The following PHACTR3 variants were observed in gnomAD, a reference collection of about 807,000 sequenced individuals.
PHACTR3 encodes phosphatase and actin regulator 3.
In PHACTR3, 16 loss-of-function variants were observed where a neutral mutation model predicts 66.8. The observed-to-expected ratio is 0.24, with a 90% CI of 0.16 to 0.36. The LOEUF (loss-of-function observed/expected upper bound fraction) is 0.36. Among genes scored for constraint, PHACTR3 ranks in the 10% least tolerant of loss-of-function variants. The pLI is 1.00. For synonymous variants in PHACTR3, 323 were observed against 292.1 expected, an observed-to-expected ratio of 1.11 and a Z score of -1.08; for missense variants, 647 against 719.9, an observed-to-expected ratio of 0.90 and a Z score of 1.16.
intron 1 of PHACTR3, among the ~76,000 whole-genome samples, chr20:59,619,940 G>A (rs2034174261): frequency 1.3e-5 from 2 of 152,162 alleles, no homozygotes; most frequent in African/African-American, 4.8e-5. Context: ...GGCCGCAGGA[G>A]GAGTGGCCTG....
chr20:59,585,654 C>T (rs894398477), intron 1 of PHACTR3, among the ~76,000 whole-genome samples: 2 of 152,202 alleles, frequency 1.3e-5, no homozygotes, highest in African/African-American at 2.4e-5. Flanking sequence ...TGGCACCTAG[C>T]AGGTGTGCTG....
In PHACTR3 at chr20:59,820,148, A is replaced by G. The variant is rs2041994786; in HGVS notation, c.1328+13954A>G. On this transcript the variant is annotated intron_variant, in intron 8 of 12. Coordinates refer to ENST00000371015, the MANE Select transcript of PHACTR3 (RefSeq NM_080672.5). This position sits in a 1 kb window ranked among gnomAD's most constrained non-coding sequence, Gnocchi z 4.6. ...TTGGCGTGGCACCACCTCCTGCTTC[A>G]CCACTGTGGTGAGGGGTCTGCCTGT... Among the ~76,000 whole-genome samples the G allele has an allele frequency of 6.6e-6, 1 of 152,158 alleles. No homozygotes were observed. The highest frequency in any genetic ancestry group is 2.1e-4 in the South Asian group (1 of 4,830).
intron 1 of PHACTR3, among the ~76,000 whole-genome samples, chr20:59,592,208 G>C (rs1473308577): frequency 2.0e-5 from 3 of 152,132 alleles, no homozygotes; most frequent in African/African-American, 7.2e-5. Flanking sequence ...CGCCTGGCAT[G>C]CTCTTTCCTT....
chr20:59,672,952 G>A (rs532340306), intron 1 of PHACTR3, among the ~76,000 whole-genome samples: 1 of 152,314 alleles, frequency 6.6e-6, no homozygotes, highest in African/African-American at 2.4e-5. Flanking sequence ...GGTTGGTGAA[G>A]AGGGAAGGAA....
At position 59,741,388 on chromosome 20, in the gene PHACTR3, T is replaced by C. The variant is rs562452169; in HGVS notation, c.119-1719T>C. On this transcript the variant is annotated intron_variant, in intron 1 of 12. Coordinates refer to ENST00000371015, the MANE Select transcript of PHACTR3 (RefSeq NM_080672.5). ...TGGGGAGCACCCCACGGGTCTGCGATCTTCCTCCCCCAGCGACACTGGGAG... is the reference window on the plus strand; with the variant it reads ...TGGGGAGCACCCCACGGGTCTGCGACCTTCCTCCCCCAGCGACACTGGGAG... Among the ~76,000 whole-genome samples the C allele has an allele frequency of 2.5e-3, 385 of 152,266 alleles. 2 individuals carry two copies. The highest frequency in any genetic ancestry group is 8.7e-3 in the African/African-American group (361 of 41,532).
intron 8 of PHACTR3, among the ~76,000 whole-genome samples, chr20:59,816,558 C>T (rs2041892730): frequency 6.6e-6 from 1 of 152,208 alleles, no homozygotes; most frequent in Non-Finnish European, 1.5e-5. Context: ...GCCTATTTCA[C>T]AACTCCCTGG....
rs183146946 is a variant in PHACTR3 at position 59,649,957 on chromosome 20, A to T, written c.118+44825A>T. Among the ~76,000 whole-genome samples, 604 of 152,360 alleles carry T rather than the reference A, an allele frequency of 4.0e-3. 2 individuals carry two copies. The highest frequency in any genetic ancestry group is 6.8e-3 in the Middle Eastern group (2 of 294). On this transcript the variant is annotated intron_variant, in intron 1 of 12. Coordinates refer to ENST00000371015, the MANE Select transcript of PHACTR3 (RefSeq NM_080672.5). ...TATTTTTATAAGTATGGAAATAGAT[A>T]TAAAGGGATTTGCTGGAAGAATTTC...
intron 3 of PHACTR3, among the ~76,000 whole-genome samples, chr20:59,752,772 T>C (rs2039646578): frequency 6.6e-6 from 1 of 152,222 alleles, no homozygotes; most frequent in Non-Finnish European, 1.5e-5. Flanking sequence ...GCAAAAGACC[T>C]GTGCATTCTA....
At chr20:59,708,596 G>T (rs2037803857) in intron 1 of PHACTR3, among the ~76,000 whole-genome samples, 1 of 152,200 alleles carries the variant, frequency 6.6e-6, no homozygotes, top group South Asian at 2.1e-4. Flanking sequence ...TCTGCTTTCG[G>T]TTGCCCTGCT....
chr20:59,757,835 G>A (rs1440292320), intron 4 of PHACTR3, among the ~76,000 whole-genome samples: 2 of 152,172 alleles, frequency 1.3e-5, no homozygotes, highest in Admixed American at 6.5e-5. Context: ...CTGAGTGTGT[G>A]GGCACACACC....
At chr20:59,720,725 G>A (rs1413769897) in intron 1 of PHACTR3, among the ~76,000 whole-genome samples, 1 of 152,192 alleles carries the variant, frequency 6.6e-6, no homozygotes, top group Non-Finnish European at 1.5e-5. Flanking sequence ...TAAGAATCTT[G>A]CCAAAGTGGC....
intron 7 of PHACTR3, among the ~76,000 whole-genome samples, chr20:59,789,895 C>T (rs1393111374): frequency 2.6e-5 from 4 of 152,206 alleles, no homozygotes; most frequent in East Asian, 1.9e-4. Context: ...GCAGGATCCA[C>T]GACTGCCAAT....
In PHACTR3 at chr20:59,830,702, T is replaced by C. The variant is rs1390316242; in HGVS notation, c.1329-5803T>C. Among the ~76,000 whole-genome samples the C allele has an allele frequency of 3.3e-5, 5 of 152,164 alleles. No homozygotes were observed. Among genetic ancestry groups the C allele is most frequent in the Non-Finnish European group, 7.3e-5 (5 of 68,028 alleles). ...GATGCCACCTATTTGTGTGTCAACC[T>C]CCTCCTGTATTTAGTGTTCTCGACT... On this transcript the variant is annotated intron_variant, in intron 8 of 12. Transcript: ENST00000371015. The surrounding 1 kb of genome is among the most constrained non-coding windows in gnomAD (Gnocchi z 5.8).
intron 1 of PHACTR3, among the ~76,000 whole-genome samples, chr20:59,582,641 A>G (rs980556909): frequency 1.3e-5 from 2 of 152,234 alleles, no homozygotes; most frequent in Admixed American, 6.5e-5. Context: ...TGAAAATTAC[A>G]TTGTTCAATT....
chr20:59,628,708 T>TCCCCATAGTACCTACTA, intron 1 of PHACTR3: 1 of 985,456 alleles, frequency 1.0e-6, no homozygotes, highest in Non-Finnish European at 1.2e-6. Flanking sequence ...TCTGGAAGAT[T>TCCCCATAGTACCTACTA]CCCCATAGTA....
chr20:59,825,750 G>C (rs1256497689), intron 8 of PHACTR3, among the ~76,000 whole-genome samples: 1 of 152,152 alleles, frequency 6.6e-6, no homozygotes, highest in African/African-American at 2.4e-5. Context: ...AAGGGCCCAG[G>C]CAGAGGCGCT....
At chr20:59,737,261 G>A (rs369844124) in intron 1 of PHACTR3, among the ~76,000 whole-genome samples, 2 of 152,230 alleles carry the variant, frequency 1.3e-5, no homozygotes, top group Non-Finnish European at 2.9e-5. Flanking sequence ...ACCTGCCCTC[G>A]AGGCTCCCTG....
intron 3 of PHACTR3, among the ~76,000 whole-genome samples, chr20:59,748,783 G>T (rs2039466297): frequency 6.6e-6 from 1 of 152,182 alleles, no homozygotes; most frequent in Non-Finnish European, 1.5e-5. Context: ...CCTGAGGCTT[G>T]CATGGATATA....
At chr20:59,776,381 G>A (rs913197713) in intron 7 of PHACTR3, among the ~76,000 whole-genome samples, 8 of 152,170 alleles carry the variant, frequency 5.3e-5, no homozygotes, top group African/African-American at 1.9e-4. Flanking sequence ...GGCTGCCAGC[G>A]CCAGCTTTCC....
Sources: gnomAD v4.1 joint callset for allele counts (sites outside exome capture counted in the v4.1 genomes callset) on GRCh38, gnomAD v4.1.1 for gene constraint, Gnocchi (gnomAD v3.1) non-coding constraint, MANE v1.5 for transcripts, NCBI Gene and HGNC (gene_info 2026-07-23, HGNC 2026-07-21) for gene names.